Variants in CDK14 observed in about 807,000 individuals in gnomAD.
CDK14 encodes the protein cyclin dependent kinase 14.
A neutral mutation model predicts 60.7 loss-of-function variants in CDK14; 34 were observed. The observed-to-expected ratio is 0.56, with a 90% CI of 0.43 to 0.75. The LOEUF (loss-of-function observed/expected upper bound fraction) is 0.75, where lower values mean the gene tolerates loss of function less well. Among genes scored for constraint, CDK14 ranks in the 30% least tolerant of loss-of-function variants. The pLI, the probability that CDK14 is intolerant of heterozygous loss-of-function variation, is 0.00. For missense variants in CDK14, 482 were observed against 564.1 expected (o/e 0.85, Z 1.47); for synonymous variants, 197 against 203.7 (o/e 0.97, Z 0.28).
chr7:90,839,758 A>G (rs1275641314), intron 5 of CDK14, among the ~76,000 whole-genome samples: 3 of 152,190 alleles, frequency 2.0e-5, no homozygotes, highest in Non-Finnish European at 4.4e-5. Context: ...TATTACAGAT[A>G]GTAGGGTTTT....
chr7:91,198,900 T>C (rs529112733), intron 14 of CDK14, among the ~76,000 whole-genome samples: 1 of 152,342 alleles, frequency 6.6e-6, no homozygotes, highest in South Asian at 2.1e-4. Context: ...AATCTTTTAA[T>C]TAAAATCAGA....
chr7:90,816,887 G>T (rs1340287300), intron 5 of CDK14, among the ~76,000 whole-genome samples: 13 of 152,154 alleles, frequency 8.5e-5, no homozygotes, highest in African/African-American at 2.7e-4. Context: ...TTTTACAAGA[G>T]AACAAGTGAG....
At chr7:90,604,047 T>C (rs186967521) in intron 1 of CDK14, among the ~76,000 whole-genome samples, 171 bp from the exon 2 acceptor site, 37 of 152,374 alleles carry the variant, frequency 2.4e-4, no homozygotes, top group Admixed American at 1.8e-3. Context: ...TGCAATTCTC[T>C]TTCATTTGCA....
intron 11 of CDK14, among the ~76,000 whole-genome samples, chr7:91,064,397 A>G (rs559732894): frequency 6.6e-6 from 1 of 152,334 alleles, no homozygotes; most frequent in South Asian, 2.1e-4. Flanking sequence ...TGAGCTGTGT[A>G]ATGTGGACAA....
At chr7:90,951,329 A>G (rs764396671) in intron 8 of CDK14, among the ~76,000 whole-genome samples, 6 of 152,158 alleles carry the variant, frequency 3.9e-5, no homozygotes, top group Admixed American at 6.6e-5. Flanking sequence ...GCTCTATAAT[A>G]TAATATGAAA....
At chr7:90,730,856 A>C (rs1030945342) in intron 3 of CDK14, among the ~76,000 whole-genome samples, 1 of 152,126 alleles carries the variant, frequency 6.6e-6, no homozygotes, top group Non-Finnish European at 1.5e-5. Context: ...TCTTTCGTTT[A>C]ATTAGATCCC....
chr7:90,668,913 T>C (rs1479605875), intron 2 of CDK14, among the ~76,000 whole-genome samples: 1 of 151,784 alleles, frequency 6.6e-6, no homozygotes, highest in African/African-American at 2.4e-5. Flanking sequence ...ACAATTTTTA[T>C]TAGAGACGGG....
chr7:90,754,671 C>T (rs1385990227), intron 4 of CDK14, among the ~76,000 whole-genome samples: 2 of 152,052 alleles, frequency 1.3e-5, no homozygotes, highest in Non-Finnish European at 1.5e-5. Flanking sequence ...AATAAACTAT[C>T]AACAGAGTAA....
At chr7:90,631,065 C>T (rs73407255) in intron 2 of CDK14, among the ~76,000 whole-genome samples, 1 of 152,116 alleles carries the variant, frequency 6.6e-6, no homozygotes, top group Non-Finnish European at 1.5e-5. Flanking sequence ...GGTGGTGGTA[C>T]TCTGATAGGA....
chr7:90,909,102 T>A (rs1792807597), intron 7 of CDK14, among the ~76,000 whole-genome samples: 1 of 152,044 alleles, frequency 6.6e-6, no homozygotes, highest in Non-Finnish European at 1.5e-5. Flanking sequence ...TGGGAGAGAG[T>A]AGCATAAGTT....
intron 12 of CDK14, among the ~76,000 whole-genome samples, chr7:91,095,800 G>C (rs1436678186): frequency 1.3e-5 from 2 of 151,906 alleles, no homozygotes; most frequent in African/African-American, 4.8e-5. Flanking sequence ...TAATATACAA[G>C]ATGAAAATGG....
At chr7:90,961,091 A>G (rs1584171370) in intron 9 of CDK14, among the ~76,000 whole-genome samples, 1 of 152,188 alleles carries the variant, frequency 6.6e-6, no homozygotes. Flanking sequence ...AACCTACTCC[A>G]AGCCCTTTCT....
intron 4 of CDK14, among the ~76,000 whole-genome samples, chr7:90,753,599 C>T (rs1803934406): frequency 6.6e-6 from 1 of 152,094 alleles, no homozygotes; most frequent in Admixed American, 6.6e-5. Flanking sequence ...CCCACTCTCG[C>T]CGCTCCTATT....
At chr7:91,190,300 G>A (rs754712675) in intron 14 of CDK14, among the ~76,000 whole-genome samples, 2 of 152,172 alleles carry the variant, frequency 1.3e-5, no homozygotes, top group Non-Finnish European at 2.9e-5. Flanking sequence ...CAGCCACATG[G>A]ATGCACACAT....
intron 11 of CDK14, among the ~76,000 whole-genome samples, chr7:91,077,695 A>C (rs1481097491): frequency 6.6e-6 from 1 of 152,028 alleles, no homozygotes; most frequent in African/African-American, 2.4e-5. Flanking sequence ...TACTAAATAA[A>C]AATTTAAATT....
At chr7:90,645,780 T>A (rs926532675) in intron 2 of CDK14, among the ~76,000 whole-genome samples, 1 of 152,224 alleles carries the variant, frequency 6.6e-6, no homozygotes, top group Non-Finnish European at 1.5e-5. Context: ...CAAAAGATTT[T>A]CCATCTTTAA....
intron 14 of CDK14, among the ~76,000 whole-genome samples, chr7:91,159,172 G>C (rs1248918485): frequency 2.0e-5 from 3 of 152,224 alleles, no homozygotes; most frequent in Non-Finnish European, 2.9e-5. Flanking sequence ...ATGCTGGCTT[G>C]GTATCATGAC....
chr7:90,928,032 C>T (rs565734061), intron 8 of CDK14, among the ~76,000 whole-genome samples: 3 of 152,226 alleles, frequency 2.0e-5, no homozygotes, highest in East Asian at 1.9e-4. Flanking sequence ...GCATGTGTCA[C>T]GTAGTTCTAA....
intron 10 of CDK14, among the ~76,000 whole-genome samples, chr7:91,043,341 T>C (rs930563129): frequency 2.0e-5 from 3 of 152,242 alleles, no homozygotes; most frequent in Admixed American, 6.5e-5. Flanking sequence ...TAGGGTCTGT[T>C]TTCACATGTG....
Sources: gnomAD v4.1 joint callset for allele counts (sites outside exome capture counted in the v4.1 genomes callset) on GRCh38, gnomAD v4.1.1 for gene constraint, MANE v1.5 for transcripts, NCBI Gene and HGNC (gene_info 2026-07-23, HGNC 2026-07-21) for gene names.